The following SYT1 variants were observed in gnomAD, a reference collection of about 807,000 sequenced individuals.
SYT1 encodes the protein synaptotagmin-1.
In SYT1, 8 loss-of-function variants were observed where a neutral mutation model predicts 44.8. The observed-to-expected ratio is 0.18, with a 90% CI of 0.10 to 0.32. The LOEUF is 0.32. SYT1 is among the 10% of genes least tolerant of loss of function. The pLI, the probability that SYT1 is intolerant of heterozygous loss-of-function variation, is 1.00. For synonymous variants in SYT1, 154 were observed against 188.8 expected, an observed-to-expected ratio of 0.82 and a Z score of 1.51; for missense variants, 286 against 509.3, an observed-to-expected ratio of 0.56 and a Z score of 4.22.
intron 3 of SYT1, among the ~76,000 whole-genome samples, chr12:79,104,181 A>C (rs183495004): frequency 1.3e-5 from 2 of 150,090 alleles, no homozygotes; most frequent in East Asian, 3.9e-4. Context: ...AATTTGGTCT[A>C]CTCTATCAGA....
chr12:79,276,683 A>C (rs1265114374), intron 4 of SYT1, among the ~76,000 whole-genome samples: 1 of 151,650 alleles, frequency 6.6e-6, no homozygotes, highest in African/African-American at 2.4e-5. Context: ...AAAAAAAAAA[A>C]AACAAAAAAA....
chr12:79,325,676 G>T (rs1014507486), intron 8 of SYT1, among the ~76,000 whole-genome samples: 22 of 152,126 alleles, frequency 1.4e-4, no homozygotes. Flanking sequence ...CTACAGATAA[G>T]GTTCATGGAA....
At chr12:78,940,178 T>G (rs1266363450) in intron 1 of SYT1, among the ~76,000 whole-genome samples, 1 of 151,722 alleles carries the variant, frequency 6.6e-6, no homozygotes, top group African/African-American at 2.4e-5. Context: ...GGTTGATGAT[T>G]TTTTTTTTCT....
chr12:79,019,425 A>G (rs1872037244), intron 2 of SYT1, among the ~76,000 whole-genome samples: 1 of 150,994 alleles, frequency 6.6e-6, no homozygotes, highest in Non-Finnish European at 1.5e-5. Flanking sequence ...AGATGATATA[A>G]CTACATAAAC....
intron 3 of SYT1, among the ~76,000 whole-genome samples, chr12:79,116,465 C>T (rs1879283978): frequency 6.6e-6 from 1 of 152,132 alleles, no homozygotes; most frequent in Admixed American, 6.5e-5. Context: ...TTAGGATCCA[C>T]ACAAATCAAG....
chr12:79,175,157 A>G (rs978010036), intron 3 of SYT1, among the ~76,000 whole-genome samples: 7 of 152,046 alleles, frequency 4.6e-5, no homozygotes, highest in African/African-American at 1.7e-4. Context: ...TAATGCAATA[A>G]GGAACCATGA....
rs1404895710 is a variant in SYT1, at chr12:79,450,790, C to G, written c.*1666C>G. ...AAGATACATAGAATGGGGTGGAACACAGCATTTTGTCAAGCACTGTGCAAT... is the reference window on the plus strand; with the variant it reads ...AAGATACATAGAATGGGGTGGAACAGAGCATTTTGTCAAGCACTGTGCAAT... On this transcript the variant is annotated 3_prime_UTR_variant, in exon 11 of 11. Coordinates refer to ENST00000261205, the MANE Select transcript of SYT1 (RefSeq NM_005639.3). The G allele has an allele frequency of 6.6e-6, 1 of 152,624 alleles. No individual in the cohort carries two copies. Among genetic ancestry groups the G allele is most frequent in the African/African-American group, 2.4e-5 (1 of 41,438 alleles). 9.5% of individuals were successfully genotyped at this position (152,624 alleles called of 1,614,324 possible).
At chr12:78,928,952 G>T (rs1877460708) in intron 1 of SYT1, among the ~76,000 whole-genome samples, 1 of 152,022 alleles carries the variant, frequency 6.6e-6, no homozygotes, top group African/African-American at 2.4e-5. Context: ...ATACAGCATA[G>T]CTATATCTGT....
At chr12:79,087,068 C>T (rs1877431548) in intron 3 of SYT1, among the ~76,000 whole-genome samples, 1 of 152,124 alleles carries the variant, frequency 6.6e-6, no homozygotes, top group Non-Finnish European at 1.5e-5. Context: ...GAGTCTGCAG[C>T]GTTACCTTCA....
At chr12:79,342,971 G>T (rs920175093) in intron 8 of SYT1, among the ~76,000 whole-genome samples, 2 of 152,140 alleles carry the variant, frequency 1.3e-5, no homozygotes, top group Non-Finnish European at 2.9e-5. Context: ...ACCATATACT[G>T]GGATAAGATT....
At chr12:78,901,342 C>T (rs973281734) in intron 1 of SYT1, among the ~76,000 whole-genome samples, 3 of 151,958 alleles carry the variant, frequency 2.0e-5, no homozygotes, top group African/African-American at 4.8e-5. Flanking sequence ...TTACTGAGTT[C>T]GAGATTTTAT....
chr12:79,349,378 T>C (rs1254748414), intron 8 of SYT1, among the ~76,000 whole-genome samples: 1 of 152,160 alleles, frequency 6.6e-6, no homozygotes, highest in Non-Finnish European at 1.5e-5. Flanking sequence ...GTATTGAACA[T>C]TAATTTAGTT....
chr12:79,295,653 A>G (rs1879843535), intron 6 of SYT1, among the ~76,000 whole-genome samples: 1 of 152,230 alleles, frequency 6.6e-6, no homozygotes, highest in African/African-American at 2.4e-5. Flanking sequence ...AAAGAATAAA[A>G]GTTTCCCACT....
chr12:79,314,218 A>C (rs1394369391), intron 8 of SYT1, among the ~76,000 whole-genome samples: 1 of 151,642 alleles, frequency 6.6e-6, no homozygotes, highest in Non-Finnish European at 1.5e-5. Context: ...TATTAAAAAC[A>C]TTGGTCAGAG....
At chr12:78,989,814 A>T (rs568836731) in intron 2 of SYT1, among the ~76,000 whole-genome samples, 5 of 152,212 alleles carry the variant, frequency 3.3e-5, no homozygotes, top group South Asian at 2.1e-4. Flanking sequence ...TTGGGAAGGT[A>T]ACCTTCCATG....
intron 3 of SYT1, among the ~76,000 whole-genome samples, chr12:79,130,308 A>G (rs1868726017): frequency 6.6e-6 from 1 of 152,206 alleles, no homozygotes. Context: ...AGGCTTTTCT[A>G]TGAGCAAACT....
chr12:79,289,079 T>G (rs1358946694), intron 5 of SYT1, among the ~76,000 whole-genome samples: 1 of 152,240 alleles, frequency 6.6e-6, no homozygotes, highest in East Asian at 1.9e-4. Context: ...CAGTCCCTTG[T>G]GCTACTTTTC....
chr12:78,875,019 C>A (rs150001705), intron 1 of SYT1, among the ~76,000 whole-genome samples: 1 of 151,646 alleles, frequency 6.6e-6, no homozygotes, highest in African/African-American at 2.4e-5. Flanking sequence ...GAACCAAGAA[C>A]AGCAAATTGC....
intron 9 of SYT1, among the ~76,000 whole-genome samples, chr12:79,443,502 G>A (rs1371598294): frequency 1.3e-5 from 2 of 152,180 alleles, no homozygotes; most frequent in Non-Finnish European, 2.9e-5. Context: ...TGTGAAGACA[G>A]GGATAGTCTG....
Sources: gnomAD v4.1 joint callset for allele counts (sites outside exome capture counted in the v4.1 genomes callset) on GRCh38, gnomAD v4.1.1 for gene constraint, MANE v1.5 for transcripts, NCBI Gene and HGNC (gene_info 2026-07-23, HGNC 2026-07-21) for gene names.